The following GATC variants were observed in gnomAD, a reference collection of about 807,000 sequenced individuals.
GATC encodes the protein glutamyl-tRNA(Gln) amidotransferase subunit C, mitochondrial.
In GATC, 11 loss-of-function variants were observed where a neutral mutation model predicts 14.4. The observed-to-expected ratio is 0.77, with a 90% CI of 0.48 to 1.27. The LOEUF is 1.27. Among genes scored for constraint, GATC ranks in the 50% most tolerant of loss-of-function variants. GATC has a pLI of 0.00. For synonymous variants in GATC, 76 were observed against 79.3 expected, an observed-to-expected ratio of 0.96 and a Z score of 0.22; for missense variants, 204 against 183.0, an observed-to-expected ratio of 1.11 and a Z score of -0.66.
At position 120,463,362 on chromosome 12, in the gene GATC, G is replaced by A. The variant is rs1195752593; in HGVS notation, c.*3403G>A. ...GTGGGAGGACTGCTTGGGCCCAGGA[G>A]TTCAAGGTCAGCCTCGGCAATATAA... On this transcript the variant is annotated 3_prime_UTR_variant, in exon 4 of 4. Transcript: ENST00000551765. 1 of 151,880 alleles carries A rather than the reference G, an allele frequency of 6.6e-6. No individual in the cohort carries two copies. The highest frequency in any genetic ancestry group is 1.5e-5 in the Non-Finnish European group (1 of 68,024). 9.4% of individuals were successfully genotyped at this position (151,880 alleles called of 1,614,324 possible). A position where few individuals can be genotyped will look rare whatever the true frequency, so the allele number is the denominator to read the frequency against.
chr12:120,452,077 A>G (rs1878066626), intron 2 of GATC, among the ~76,000 whole-genome samples: 1 of 151,546 alleles, frequency 6.6e-6, no homozygotes, highest in South Asian at 2.1e-4. Flanking sequence ...GGGTTTCACC[A>G]TATTGGTCAG....
chr12:120,453,375 G>A (rs527796731), intron 2 of GATC, among the ~76,000 whole-genome samples: 2 of 152,292 alleles, frequency 1.3e-5, no homozygotes, highest in East Asian at 3.9e-4. Flanking sequence ...AACACAGAAA[G>A]ATTCAAGTGA....
At position 120,454,522 on chromosome 12, in the gene GATC, G is replaced by A. The variant is rs561019726; in HGVS notation, c.255-2554G>A. Among the ~76,000 whole-genome samples, 9 of 151,676 alleles carry A rather than the reference G, an allele frequency of 5.9e-5. No individual in the cohort carries two copies. The East Asian group carries it at 9.7e-4, about 16-fold the overall frequency. Reference sequence around the variant, plus strand: ...TGCAAGCTCCACCTCCAGGGTTCACGCCGTTCCCCTCCTCAGCCTCTCGCT... The same window carrying A: ...TGCAAGCTCCACCTCCAGGGTTCACACCGTTCCCCTCCTCAGCCTCTCGCT... On this transcript the variant is annotated intron_variant, in intron 2 of 3. Coordinates refer to ENST00000551765, the MANE Select transcript of GATC (RefSeq NM_176818.3).
At chr12:120,449,678 C>T (rs1037199575) in intron 2 of GATC, among the ~76,000 whole-genome samples, 4 of 152,028 alleles carry the variant, frequency 2.6e-5, no homozygotes, top group Non-Finnish European at 4.4e-5. Context: ...AACTCCTGAC[C>T]TCAGGTGATC....
At chr12:120,456,793 T>C (rs1878195644) in intron 2 of GATC, among the ~76,000 whole-genome samples, 1 of 152,216 alleles carries the variant, frequency 6.6e-6, no homozygotes, top group Non-Finnish European at 1.5e-5. Flanking sequence ...TAATTGCTTT[T>C]ACCTGTCCCC....
chr12:120,453,716 G>A (rs1001330218), intron 2 of GATC, among the ~76,000 whole-genome samples: 2 of 151,822 alleles, frequency 1.3e-5, no homozygotes, highest in Non-Finnish European at 2.9e-5. Flanking sequence ...GTATGGTGGT[G>A]CACACCTGTA....
rs499344 is a variant in GATC at position 120,462,306 on chromosome 12, C to T, written c.*2347C>T. The stretch of plus-strand genomic sequence containing the variant: ...CTGGCATGAGGCTATCTCATTAAAC[C>T]TTCATAACATTATGAGGTAGGTACT... On this transcript the variant is annotated 3_prime_UTR_variant, in exon 4 of 4. Coordinates refer to ENST00000551765, the MANE Select transcript of GATC (RefSeq NM_176818.3). The T allele has an allele frequency of 8.2e-4, 654 of 792,870 alleles. 2 individuals carry two copies. The African/African-American group carries it at 0.01, about 13-fold the overall frequency. The allele number at this position is 792,870 out of a possible 1,614,324, so 49.1% of individuals were successfully genotyped here.
rs1259378983 is a variant in GATC, at chr12:120,459,998, G to A, written c.*39G>A. 7 of 1,511,756 alleles carry A rather than the reference G, an allele frequency of 4.6e-6. No homozygotes were observed. The highest frequency in any genetic ancestry group is 6.4e-6 in the Non-Finnish European group (7 of 1,090,288). The allele number at this position is 1,511,756 out of a possible 1,614,324, so 93.6% of individuals were successfully genotyped here. A position where few individuals can be genotyped will look rare whatever the true frequency, so the allele number is the denominator to read the frequency against. On this transcript the variant is annotated 3_prime_UTR_variant, in exon 4 of 4. Transcript: ENST00000551765. ...GAAAGGGGGTACTCTGTGAACATGT[G>A]GAAGCATAATGACAGTATTTTTTTA... is the stretch of plus-strand genomic sequence containing the variant.
Position 120,446,718 on chromosome 12 carries a change from TC to T in GATC, c.144del (p.Phe48LeufsTer42), listed in dbSNP as rs758377594. The T allele has an allele frequency of 6.2e-7, 1 of 1,613,716 alleles. No individual in the cohort carries two copies. The highest frequency in any genetic ancestry group is 8.5e-7 in the Non-Finnish European group (1 of 1,180,030). Reference protein sequence around the residue: ...EHLERLALVDFGSREAVARLE... With the variant: ...EHLERLALVDXGSREAVARLE... ...CTGGAGCGTCTAGCGCTTGTGGACT[TC>T]GGCAGCCGCGAGGCAGTGGCGCGAC... On this transcript the variant is annotated frameshift_variant, in exon 2 of 4. Transcript: ENST00000551765. LOFTEE classifies it high-confidence loss of function.
At chr12:120,451,875 C>CTTTTTTTTTTTTTT (rs1170221029) in intron 2 of GATC, among the ~76,000 whole-genome samples, 1,011 of 90,720 alleles carry the variant, frequency 0.011, 139 homozygotes, top group African/African-American at 0.021. Flanking sequence ...TATATAAATT[C>CTTTTTTTTTTTTTT]TTTTTTTTTT....
Position 120,462,197 on chromosome 12 carries a change from G to GA in GATC, c.*2245dup, listed in dbSNP as rs1165245934. On this transcript the variant is annotated 3_prime_UTR_variant, in exon 4 of 4. Transcript: ENST00000551765. ...AAACAAAAACAAAAAGAGTAAAGGG[G>GA]AAAAAAATCAGAGCCAGAAGAATAA... is the stretch of plus-strand genomic sequence containing the variant. 1.1e-5 allele frequency: 17 copies of GA among 1,572,740 alleles called. No individual in the cohort carries two copies. The highest frequency in any genetic ancestry group is 8.2e-5 in the African/African-American group (6 of 73,596).
At chr12:120,448,976 A>G (rs887844248) in intron 2 of GATC, among the ~76,000 whole-genome samples, 11 of 113,264 alleles carry the variant, frequency 9.7e-5, no homozygotes, top group African/African-American at 3.5e-4. Context: ...TTTTTTTTTT[A>G]ATTGAGACAA....
intron 2 of GATC, 120 bp downstream of exon 2, chr12:120,446,949 C>A (rs1345467282): frequency 1.0e-5 from 9 of 883,272 alleles, no homozygotes; most frequent in Non-Finnish European, 1.5e-5. Context: ...CAGGAACTTG[C>A]CCACAGTCAC....
At chr12:120,458,220 C>T (rs909989476) in intron 3 of GATC, among the ~76,000 whole-genome samples, 1 of 151,528 alleles carries the variant, frequency 6.6e-6, no homozygotes, top group Non-Finnish European at 1.5e-5. Context: ...TGCCGAGTAG[C>T]TGGGATTACA....
chr12:120,454,424 G>A (rs1419593898), intron 2 of GATC, among the ~76,000 whole-genome samples: 3 of 152,134 alleles, frequency 2.0e-5, no homozygotes, highest in Non-Finnish European at 4.4e-5. Context: ...GAGAGCCTAA[G>A]CTCTTAGCCT....
chr12:120,463,137 G>T lies in GATC; in HGVS notation c.*3178G>T, dbSNP rs1008013767. 7.0e-5 allele frequency: 10 copies of T among 142,822 alleles called. No homozygotes were observed. The highest frequency in any genetic ancestry group is 5.6e-4 in the Admixed American group (8 of 14,368). 8.8% of individuals were successfully genotyped at this position (142,822 alleles called of 1,614,324 possible). A position where few individuals can be genotyped will look rare whatever the true frequency, so the allele number is the denominator to read the frequency against. The stretch of plus-strand genomic sequence containing the variant: ...GAAAAAAACAATGTCCAACTGGTCT[G>T]GTTTCTGGTCTCAATGGTACCAAAG... On this transcript the variant is annotated 3_prime_UTR_variant, in exon 4 of 4. Transcript: ENST00000551765.
In GATC at chr12:120,461,423, A is replaced by G. The variant is rs1878335723; in HGVS notation, c.*1464A>G. On this transcript the variant is annotated 3_prime_UTR_variant, in exon 4 of 4. Coordinates refer to ENST00000551765, the MANE Select transcript of GATC (RefSeq NM_176818.3). ...TTTCCCATTCCCTTCCTTTATCTGC[A>G]ATGCTTTTTTCTTTAAGGCAGCCTA... 1 of 152,134 alleles carries G rather than the reference A, an allele frequency of 6.6e-6. No homozygotes were observed. The highest frequency in any genetic ancestry group is 6.6e-5 in the Admixed American group (1 of 15,260). 9.4% of individuals were successfully genotyped at this position (152,134 alleles called of 1,614,324 possible).
chr12:120,457,199 G>A lies in GATC; in HGVS notation c.358+20G>A, dbSNP rs1878209842. The A allele has an allele frequency of 1.3e-6, 2 of 1,534,914 alleles. No homozygotes were observed. Among genetic ancestry groups the A allele is most frequent in the African/African-American group, 1.4e-5 (1 of 73,206 alleles). Reference sequence around the variant, plus strand: ...CCCCAGGTACGTGCTGCCCAGAATGGTTTAACAGATAGTCTCACAGTAACC... The same window carrying A: ...CCCCAGGTACGTGCTGCCCAGAATGATTTAACAGATAGTCTCACAGTAACC... On this transcript the variant is annotated intron_variant, in intron 3 of 3. Transcript: ENST00000551765.
chr12:120,455,855 T>G (rs1404407949), intron 2 of GATC, among the ~76,000 whole-genome samples: 1 of 151,916 alleles, frequency 6.6e-6, no homozygotes, highest in Non-Finnish European at 1.5e-5. Flanking sequence ...CCGGCTAATT[T>G]TTTTGTATTT....
Sources: gnomAD v4.1 joint callset for allele counts (sites outside exome capture counted in the v4.1 genomes callset) on GRCh38, gnomAD v4.1.1 for gene constraint, MANE v1.5 for transcripts, NCBI Gene and HGNC (gene_info 2026-07-23, HGNC 2026-07-21) for gene names.